Variants in PCDHGA3 observed in about 807,000 individuals in gnomAD.
PCDHGA3 encodes the protein protocadherin gamma subfamily A, 3, also known as protocadherin gamma-A3.
Under a neutral mutation model 58.5 loss-of-function variants are expected in PCDHGA3, and 40 were observed. That is an observed-to-expected ratio of 0.68 (90% CI 0.53 to 0.89). PCDHGA3 has a LOEUF of 0.89. Among genes scored for constraint, PCDHGA3 ranks in the 40% least tolerant of loss-of-function variants. PCDHGA3 has a pLI of 0.00. For synonymous variants in PCDHGA3, 530 were observed against 525.7 expected (o/e 1.01, Z -0.11); for missense variants, 1,223 against 1,195.9 (o/e 1.02, Z -0.33).
chr5:141,491,407 G>A lies in PCDHGA3; in HGVS notation c.2425-3400G>A. ...GAAGTGCCTTCAGGGAAACGCAGAC[G>A]GGGACGGGGGTGGAGGGCAGTGCTG... is the stretch of plus-strand genomic sequence containing the variant. On this transcript the variant is annotated intron_variant, in intron 1 of 3. Transcript: ENST00000253812. The surrounding 1 kb of genome is among the most constrained non-coding windows in gnomAD (Gnocchi z 6.9). The A allele has an allele frequency of 6.2e-7, 1 of 1,614,116 alleles. No individual in the cohort carries two copies. The highest frequency in any genetic ancestry group is 8.5e-7 in the Non-Finnish European group (1 of 1,180,000).
chr5:141,492,552 T>A (rs1444534113), intron 1 of PCDHGA3, among the ~76,000 whole-genome samples: 1 of 152,084 alleles, frequency 6.6e-6, no homozygotes, highest in African/African-American at 2.4e-5. Context: ...CCGGGTCGCC[T>A]GGGGGGCGGC....
At chr5:141,413,708 C>G in intron 1 of PCDHGA3, 1 of 1,613,664 alleles carries the variant, frequency 6.2e-7, no homozygotes, top group African/African-American at 1.3e-5. Flanking sequence ...CAGCTCAGCC[C>G]CAATAAGCAC....
At chr5:141,375,666 T>C (rs1771733109) in intron 1 of PCDHGA3, 1 of 1,614,122 alleles carries the variant, frequency 6.2e-7, no homozygotes, top group African/African-American at 1.3e-5. Context: ...TTGAGAGACC[T>C]ACAGCTGTGG....
At chr5:141,403,582 G>T in intron 1 of PCDHGA3, 1 of 1,613,910 alleles carries the variant, frequency 6.2e-7, no homozygotes. Context: ...CCCACCACCT[G>T]GTCCTCACGG....
In PCDHGA3 at chr5:141,414,656, C is replaced by A. The variant is rs1409573217; in HGVS notation, c.2424+68199C>A. The A allele has an allele frequency of 1.2e-5, 20 of 1,614,008 alleles. No individual in the cohort carries two copies. Among genetic ancestry groups the A allele is most frequent in the Non-Finnish European group, 1.7e-5 (20 of 1,179,888 alleles). On this transcript the variant is annotated intron_variant, in intron 1 of 3. Transcript: ENST00000253812. ...AAAGAGAATGCCCAGATTATTTACTCCCTGGCTGAAGACACCATCCAGGGG... is the reference window on the plus strand; with the variant it reads ...AAAGAGAATGCCCAGATTATTTACTACCTGGCTGAAGACACCATCCAGGGG...
intron 1 of PCDHGA3, chr5:141,430,977 A>G (rs761722055): frequency 1.2e-5 from 20 of 1,613,408 alleles, no homozygotes; most frequent in Middle Eastern, 1.7e-4. Flanking sequence ...GGTAGGACGC[A>G]GCTTTTCGCC....
At chr5:141,380,410 C>T (rs1776475585) in intron 1 of PCDHGA3, among the ~76,000 whole-genome samples, 1 of 151,998 alleles carries the variant, frequency 6.6e-6, no homozygotes, top group Non-Finnish European at 1.5e-5. Flanking sequence ...AATTCGATGC[C>T]CAGGAAGCCA....
intron 1 of PCDHGA3, among the ~76,000 whole-genome samples, chr5:141,481,148 C>G (rs2099532606): frequency 6.6e-6 from 1 of 152,176 alleles, no homozygotes; most frequent in Non-Finnish European, 1.5e-5. Context: ...AAGTGTTATT[C>G]TGGTATTTGC....
Position 141,409,574 on chromosome 5 carries a change from G to C in PCDHGA3, c.2424+63117G>C, listed in dbSNP as rs752388742. ...CCCAGTTTTCGACCAGACGTCCTACGTGGTCCACGTGGCCGAGAACAACCC... is the reference window on the plus strand; with the variant it reads ...CCCAGTTTTCGACCAGACGTCCTACCTGGTCCACGTGGCCGAGAACAACCC... On this transcript the variant is annotated intron_variant, in intron 1 of 3. Coordinates refer to ENST00000253812, the MANE Select transcript of PCDHGA3 (RefSeq NM_018916.4). 32 of 1,613,902 alleles carry C rather than the reference G, an allele frequency of 2.0e-5. No individual in the cohort carries two copies. In the East Asian group the frequency reaches 6.9e-4, roughly 35 times the overall value.
At chr5:141,380,599 A>G (rs1427125974) in intron 1 of PCDHGA3, among the ~76,000 whole-genome samples, 3 of 152,234 alleles carry the variant, frequency 2.0e-5, no homozygotes, top group Non-Finnish European at 2.9e-5. Context: ...GATCTTTAAT[A>G]TTTAATTTTA....
chr5:141,461,961 T>C (rs914134151), intron 1 of PCDHGA3, among the ~76,000 whole-genome samples: 3 of 152,192 alleles, frequency 2.0e-5, no homozygotes, highest in African/African-American at 7.2e-5. Context: ...GTAGCTGGGA[T>C]TCCAGGCATA....
chr5:141,369,589 A>G (rs1339057936), intron 1 of PCDHGA3, among the ~76,000 whole-genome samples: 1 of 152,238 alleles, frequency 6.6e-6, no homozygotes, highest in Non-Finnish European at 1.5e-5. Flanking sequence ...GCTTTTTACT[A>G]TACTTCTATT....
Position 141,477,710 on chromosome 5 carries a change from G to A in PCDHGA3, c.2425-17097G>A, listed in dbSNP as rs747156156. ...GCCCCTAGACTATGAGGATCGGCGG[G>A]AATTTGAATTAACAGCTCATATCAG... On this transcript the variant is annotated intron_variant, in intron 1 of 3. Transcript: ENST00000253812. This position sits in a 1 kb window ranked among gnomAD's most constrained non-coding sequence, Gnocchi z 4.9. 2.5e-6 allele frequency: 4 copies of A among 1,613,918 alleles called. No homozygotes were observed. Among genetic ancestry groups the A allele is most frequent in the Middle Eastern group, 3.3e-4 (2 of 6,062 alleles).
At chr5:141,454,953 G>A (rs1304192945) in intron 1 of PCDHGA3, among the ~76,000 whole-genome samples, 4 of 150,686 alleles carry the variant, frequency 2.7e-5, no homozygotes, top group Admixed American at 6.6e-5. Context: ...GACTACAGGC[G>A]CCGGCCACCA....
intron 1 of PCDHGA3, chr5:141,390,281 G>A (rs995951705): frequency 1.9e-6 from 3 of 1,613,968 alleles, no homozygotes; most frequent in Middle Eastern, 1.6e-4. Context: ...CTTCCCATCA[G>A]GTGAGTTTCC....
intron 1 of PCDHGA3, chr5:141,410,578 T>G: frequency 1.9e-6 from 3 of 1,610,984 alleles, no homozygotes; most frequent in Non-Finnish European, 2.5e-6. Context: ...TTCCACCTCA[T>G]GGTGGGGAGG....
intron 1 of PCDHGA3, chr5:141,351,919 C>T: frequency 1.2e-6 from 2 of 1,613,366 alleles, no homozygotes; most frequent in African/African-American, 1.3e-5. Flanking sequence ...ACCTCAATGA[C>T]AATGCGCCAC....
chr5:141,384,652 G>T (rs372721131), intron 1 of PCDHGA3: 1 of 1,614,228 alleles, frequency 6.2e-7, no homozygotes, highest in South Asian at 1.1e-5. Context: ...CGCAGAGCCC[G>T]GCTACCTGGT....
intron 1 of PCDHGA3, chr5:141,364,361 G>A (rs1763280046): frequency 1.3e-6 from 2 of 1,559,560 alleles, no homozygotes; most frequent in Middle Eastern, 1.7e-4. Context: ...CTGGGGCTGC[G>A]GAGAGCTGCT....
Sources: allele counts gnomAD v4.1 joint callset (sites outside exome capture counted in the v4.1 genomes callset), GRCh38; gene constraint gnomAD v4.1.1; non-coding constraint Gnocchi (gnomAD v3.1); transcripts MANE v1.5; gene names NCBI Gene and HGNC (gene_info 2026-07-23, HGNC 2026-07-21).